The following FYN variants were observed in gnomAD, a reference collection of about 807,000 sequenced individuals.
The protein encoded by FYN is FYN proto-oncogene, Src family tyrosine kinase.
FYN carries 10 observed loss-of-function variants against 70.2 expected under a neutral mutation model. The ratio of observed to expected loss-of-function variants is 0.14; its 90% CI spans 0.09 to 0.24. FYN has a LOEUF of 0.24. FYN is among the 10% of genes least tolerant of loss of function. The pLI is 1.00. For missense variants in FYN, 319 were observed against 673.1 expected (o/e 0.47, Z 5.82); for synonymous variants, 236 against 248.6 (o/e 0.95, Z 0.48).
intron 9 of FYN, chr6:111,699,439 T>C: frequency 6.8e-7 from 1 of 1,470,828 alleles, no homozygotes; most frequent in Non-Finnish European, 9.3e-7. Flanking sequence ...AACGGCTGTG[T>C]GTGCATTTTT....
At chr6:111,743,708 T>C (rs998305680) in intron 3 of FYN, among the ~76,000 whole-genome samples, 1 of 152,190 alleles carries the variant, frequency 6.6e-6, no homozygotes, top group African/African-American at 2.4e-5. Context: ...CAGAGATCGG[T>C]ACCAGCACTG....
intron 2 of FYN, among the ~76,000 whole-genome samples, chr6:111,817,336 A>G (rs1282164816): frequency 2.6e-5 from 4 of 152,178 alleles, no homozygotes; most frequent in Non-Finnish European, 5.9e-5. Context: ...TAAGTAACAG[A>G]TAACATTCAC....
intron 3 of FYN, among the ~76,000 whole-genome samples, chr6:111,756,351 C>A (rs767182741): frequency 2.6e-5 from 4 of 151,510 alleles, no homozygotes; most frequent in Non-Finnish European, 5.9e-5. Flanking sequence ...GCTTCTCATC[C>A]TTCCACCCAA....
intron 2 of FYN, among the ~76,000 whole-genome samples, chr6:111,811,508 T>G (rs1772323912): frequency 6.6e-6 from 1 of 152,182 alleles, no homozygotes; most frequent in Non-Finnish European, 1.5e-5. Context: ...CAGAATGTAG[T>G]TTTATATTTC....
At position 111,692,130 on chromosome 6, in the gene FYN, C is replaced by T. The variant is rs1799357137; in HGVS notation, c.1273+2245G>A. Among the ~76,000 whole-genome samples, 4 of 142,758 alleles carry T rather than the reference C, an allele frequency of 2.8e-5. No individual in the cohort carries two copies. In the South Asian group the frequency reaches 1.0e-3, roughly 37 times the overall value. 93.7% of individuals were successfully genotyped at this position (142,758 alleles called of 152,430 possible). ...CCCCCCCCAGTTCAGCTCTCCAGTT[C>T]ACTTACTTCTTACTTCTCTCTTTCT... On this transcript the variant is annotated intron_variant, in intron 12 of 13. Transcript: ENST00000354650.
At chr6:111,709,035 T>G (rs1279188436) in intron 5 of FYN, 1 of 152,186 alleles carries the variant, frequency 6.6e-6, no homozygotes, top group Non-Finnish European at 1.5e-5. Context: ...TGACATCCAC[T>G]GAGTATCTGC....
chr6:111,706,165 C>G (rs976572114), intron 6 of FYN, among the ~76,000 whole-genome samples: 2 of 152,200 alleles, frequency 1.3e-5, no homozygotes, highest in African/African-American at 4.8e-5. Context: ...TCCCCCTGCA[C>G]TTTCAAGCCT....
chr6:111,726,351 C>A (rs1801192499), intron 3 of FYN, among the ~76,000 whole-genome samples: 1 of 152,160 alleles, frequency 6.6e-6, no homozygotes, highest in South Asian at 2.1e-4. Context: ...CAGTCATGAC[C>A]AATATCCAAT....
At chr6:111,859,803 C>T (rs1773912531) in intron 1 of FYN, among the ~76,000 whole-genome samples, 1 of 152,120 alleles carries the variant, frequency 6.6e-6, no homozygotes, top group Non-Finnish European at 1.5e-5. Flanking sequence ...AAAAACACAC[C>T]ATGCCCATCT....
intron 2 of FYN, among the ~76,000 whole-genome samples, chr6:111,826,131 T>C (rs1275205115): frequency 6.6e-6 from 1 of 152,150 alleles, no homozygotes; most frequent in Non-Finnish European, 1.5e-5. Context: ...GCCAGAGGAC[T>C]GTCAGGTTCC....
chr6:111,666,519 G>T (rs1380666055), intron 13 of FYN, among the ~76,000 whole-genome samples: 2 of 152,178 alleles, frequency 1.3e-5, no homozygotes, highest in African/African-American at 2.4e-5. Context: ...AGGAAAACAG[G>T]CCATTGTGGT....
At chr6:111,824,006 C>A (rs1379361439) in intron 2 of FYN, among the ~76,000 whole-genome samples, 1 of 152,176 alleles carries the variant, frequency 6.6e-6, no homozygotes, top group Non-Finnish European at 1.5e-5. Context: ...TACATAAAGT[C>A]ATCAGCTGTG....
At chr6:111,840,248 G>T (rs1773317447) in intron 2 of FYN, among the ~76,000 whole-genome samples, 1 of 152,198 alleles carries the variant, frequency 6.6e-6, no homozygotes, top group Admixed American at 6.5e-5. Flanking sequence ...ATATGGCAAA[G>T]ATGTGATAAA....
intron 3 of FYN, among the ~76,000 whole-genome samples, chr6:111,739,922 C>T (rs1181527336): frequency 6.6e-6 from 1 of 152,124 alleles, no homozygotes; most frequent in Non-Finnish European, 1.5e-5. Flanking sequence ...CTCCTGGGTT[C>T]AAATAATTCT....
intron 3 of FYN, among the ~76,000 whole-genome samples, chr6:111,763,503 G>A (rs1803089734): frequency 6.6e-6 from 1 of 152,172 alleles, no homozygotes; most frequent in South Asian, 2.1e-4. Context: ...AAAATAGCTT[G>A]TTTGTCTTGT....
chr6:111,705,557 T>C (rs1001206930), intron 6 of FYN, among the ~76,000 whole-genome samples: 2 of 152,068 alleles, frequency 1.3e-5, no homozygotes, highest in African/African-American at 2.4e-5. Context: ...AAAAAAATTT[T>C]TTTTGTAGAG....
chr6:111,715,349 G>C (rs1281359724), intron 4 of FYN, among the ~76,000 whole-genome samples: 1 of 151,900 alleles, frequency 6.6e-6, no homozygotes, highest in Admixed American at 6.6e-5. Context: ...CCAAAGTGCT[G>C]GGATTATAGG....
intron 2 of FYN, among the ~76,000 whole-genome samples, chr6:111,787,459 G>A (rs1372979491): frequency 6.6e-6 from 1 of 152,126 alleles, no homozygotes. Context: ...TGCTGTTTTG[G>A]TTACTTAGCC....
At chr6:111,845,328 C>G (rs1281211666) in intron 2 of FYN, among the ~76,000 whole-genome samples, 1 of 152,254 alleles carries the variant, frequency 6.6e-6, no homozygotes, top group Non-Finnish European at 1.5e-5. Flanking sequence ...TTTGCCAATC[C>G]CTGGCTTCCA....
Sources: gnomAD v4.1 joint callset for allele counts (sites outside exome capture counted in the v4.1 genomes callset) on GRCh38, gnomAD v4.1.1 for gene constraint, MANE v1.5 for transcripts, NCBI Gene and HGNC (gene_info 2026-07-23, HGNC 2026-07-21) for gene names.